Variants in YEATS4 observed in about 807,000 individuals in gnomAD.
The protein encoded by YEATS4 is YEATS domain containing 4.
In YEATS4, 17 loss-of-function variants were observed where a neutral mutation model predicts 30.1. The observed-to-expected ratio is 0.56, with a 90% CI of 0.39 to 0.85. YEATS4 has a LOEUF of 0.85. YEATS4 is among the 40% of genes least tolerant of loss of function. YEATS4 has a pLI of 0.00. For synonymous variants in YEATS4, 85 were observed against 87.5 expected (o/e 0.97, Z 0.16); for missense variants, 142 against 268.3 (o/e 0.53, Z 3.29).
intron 6 of YEATS4, among the ~76,000 whole-genome samples, chr12:69,387,633 G>C (rs1383099836): frequency 1.3e-5 from 2 of 152,234 alleles, no homozygotes; most frequent in African/African-American, 4.8e-5. Context: ...GTTATAGGGT[G>C]AGCTTCCAGA....
At chr12:69,407,728 T>G in the YEATS4 span, among the ~76,000 whole-genome samples, 4 of 135,586 alleles carry the variant, frequency 3.0e-5, no homozygotes, top group African/African-American at 1.1e-4. Flanking sequence ...TTTTTTTTTT[T>G]TTTTTGAGAT....
chr12:69,382,903 A>G (rs1379457578), intron 6 of YEATS4, among the ~76,000 whole-genome samples: 2 of 152,224 alleles, frequency 1.3e-5, no homozygotes, highest in African/African-American at 4.8e-5. Flanking sequence ...AGGAACTCCA[A>G]AAAAGTCATT....
the YEATS4 span, among the ~76,000 whole-genome samples, chr12:69,406,179 A>G: frequency 6.6e-6 from 1 of 152,216 alleles, no homozygotes. Flanking sequence ...ATGCATCTTA[A>G]ATTTTTAATA....
At chr12:69,409,246 G>A in the YEATS4 span, among the ~76,000 whole-genome samples, 1 of 152,178 alleles carries the variant, frequency 6.6e-6, no homozygotes, top group Non-Finnish European at 1.5e-5. Flanking sequence ...GCATCATGGT[G>A]TTATTCAGAA....
intron 6 of YEATS4, among the ~76,000 whole-genome samples, chr12:69,381,852 T>C (rs1876092906): frequency 6.6e-6 from 1 of 152,184 alleles, no homozygotes. Context: ...CCAGGATTCT[T>C]TGACTGGTCC....
chr12:69,381,175 C>A (rs1398281576), intron 6 of YEATS4, among the ~76,000 whole-genome samples: 1 of 152,150 alleles, frequency 6.6e-6, no homozygotes, highest in Non-Finnish European at 1.5e-5. Flanking sequence ...TTCATCCCTA[C>A]AGCTGCGACC....
the YEATS4 span, among the ~76,000 whole-genome samples, chr12:69,396,336 G>A: frequency 6.6e-6 from 1 of 152,184 alleles, no homozygotes; most frequent in South Asian, 2.1e-4. Context: ...GAAATTAAAT[G>A]ACTTTCAGAG....
chr12:69,377,045 A>G (rs1293394986), intron 6 of YEATS4, among the ~76,000 whole-genome samples: 1 of 152,084 alleles, frequency 6.6e-6, no homozygotes, highest in Non-Finnish European at 1.5e-5. Flanking sequence ...GTCAGTTTTA[A>G]TGTCTCCTTT....
At chr12:69,418,722 ATC>A in the YEATS4 span, among the ~76,000 whole-genome samples, 1 of 152,050 alleles carries the variant, frequency 6.6e-6, no homozygotes, top group Admixed American at 6.6e-5. Context: ...AGCCTACATA[ATC>A]TAAATGCATT....
the YEATS4 span, among the ~76,000 whole-genome samples, chr12:69,417,157 T>A: frequency 2.8e-5 from 4 of 142,778 alleles, no homozygotes; most frequent in African/African-American, 1.0e-4. Flanking sequence ...TTTAAAAATT[T>A]TTTTTTTTTT....
At chr12:69,398,826 AAAAC>A in the YEATS4 span, among the ~76,000 whole-genome samples, 141 of 133,322 alleles carry the variant, frequency 1.1e-3, 1 homozygote, top group African/African-American at 4.2e-3. Context: ...AAAAAAAAAA[AAAAC>A]GGCAAATTGA....
intron 6 of YEATS4, among the ~76,000 whole-genome samples, chr12:69,383,334 A>G (rs1876152528): frequency 1.3e-5 from 2 of 152,182 alleles, no homozygotes; most frequent in Admixed American, 6.5e-5. Context: ...TGAGATGTTG[A>G]GAAGGATGTT....
downstream of YEATS4, among the ~76,000 whole-genome samples, chr12:69,392,956 G>A (rs768030144): frequency 1.8e-4 from 28 of 152,194 alleles, no homozygotes; most frequent in Non-Finnish European, 3.2e-4. Context: ...AAACACTGTA[G>A]ATAAAAATCT....
chr12:69,416,658 G>A, the YEATS4 span, among the ~76,000 whole-genome samples: 3 of 152,180 alleles, frequency 2.0e-5, no homozygotes, highest in East Asian at 1.9e-4. Flanking sequence ...TCACAGGGTC[G>A]GGGTTTGGGA....
At chr12:69,378,673 C>T (rs1030923006) in intron 6 of YEATS4, among the ~76,000 whole-genome samples, 1 of 152,176 alleles carries the variant, frequency 6.6e-6, no homozygotes, top group Non-Finnish European at 1.5e-5. Context: ...TATATTTTAA[C>T]TTCATCTCCC....
chr12:69,417,957 A>G, the YEATS4 span, among the ~76,000 whole-genome samples: 1 of 152,016 alleles, frequency 6.6e-6, no homozygotes, highest in Non-Finnish European at 1.5e-5. Flanking sequence ...AAGAGATTTC[A>G]GTTAAGATGA....
At chr12:69,379,581 T>C (rs1023654391) in intron 6 of YEATS4, among the ~76,000 whole-genome samples, 5 of 113,792 alleles carry the variant, frequency 4.4e-5, no homozygotes, top group African/African-American at 1.7e-4. Flanking sequence ...TATGCCCAGC[T>C]AATTTTTTTT....
the YEATS4 span, among the ~76,000 whole-genome samples, chr12:69,420,529 G>C: frequency 1.3e-5 from 2 of 152,176 alleles, no homozygotes; most frequent in Non-Finnish European, 2.9e-5. Context: ...AAGAACGTGA[G>C]GGAGAGACAG....
At chr12:69,363,049 G>A in intron 2 of YEATS4, 142 bp downstream of exon 2, 1 of 687,506 alleles carries the variant, frequency 1.5e-6, no homozygotes, top group Non-Finnish European at 1.9e-6. Context: ...CTGGAGTGCA[G>A]TGGCGCGATC....
Sources: gnomAD v4.1 joint callset for allele counts (sites outside exome capture counted in the v4.1 genomes callset) on GRCh38, gnomAD v4.1.1 for gene constraint, MANE v1.5 for transcripts, NCBI Gene and HGNC (gene_info 2026-07-23, HGNC 2026-07-21) for gene names.